The following FAM3B variants were observed in gnomAD, a reference collection of about 807,000 sequenced individuals.
The protein encoded by FAM3B is FAM3 metabolism regulating signaling molecule B, also known as protein FAM3B.
A neutral mutation model predicts 28.4 loss-of-function variants in FAM3B; 29 were observed. That is an observed-to-expected ratio of 1.02 (90% CI 0.76 to 1.39). FAM3B has a LOEUF of 1.39. Ranked by LOEUF, FAM3B falls within the 40% of genes most tolerant of loss-of-function variation. The pLI is 0.00. For synonymous variants in FAM3B, 91 were observed against 103.0 expected (o/e 0.88, Z 0.71); for missense variants, 266 against 293.9 (o/e 0.91, Z 0.69).
Position 41,344,491 on chromosome 21 carries a change from G to A in FAM3B, c.303G>A (p.Gln101=). ...TCCATTTCAGACTTATGGGAGAACA[G>A]CTGGGAAATGTTGCCAGAGGAATAA... ...CFEDNLLMGE[Q]LGNVARGINI... Residue 101 remains glutamine, a synonymous_variant, in exon 4 of 8, where the codon CAG becomes CAA. Coordinates refer to ENST00000357985, the MANE Select transcript of FAM3B (RefSeq NM_058186.4). The A allele has an allele frequency of 6.2e-7, 1 of 1,614,136 alleles. No homozygotes were observed. Among genetic ancestry groups the A allele is most frequent in the Non-Finnish European group, 8.5e-7 (1 of 1,179,926 alleles).
chr21:41,334,316 T>G (rs1198791617), intron 2 of FAM3B, among the ~76,000 whole-genome samples: 1 of 152,122 alleles, frequency 6.6e-6, no homozygotes. Flanking sequence ...CCAAAGGCAT[T>G]TCAAAGACCT....
At chr21:41,344,603 G>C in intron 4 of FAM3B, 69 bp downstream of exon 4, 1 of 1,351,300 alleles carries the variant, frequency 7.4e-7, no homozygotes, top group South Asian at 1.2e-5. Context: ...AGGTACCTTG[G>C]GTTTTCGAGA....
intron 1 of FAM3B, among the ~76,000 whole-genome samples, chr21:41,310,211 A>G (rs192623427): frequency 1.0e-3 from 159 of 151,818 alleles, no homozygotes; most frequent in African/African-American, 3.7e-3. Flanking sequence ...CTGGCTCTCC[A>G]TGGCTATGTT....
At chr21:41,336,597 G>A (rs1460084159) in intron 2 of FAM3B, among the ~76,000 whole-genome samples, 1 of 152,164 alleles carries the variant, frequency 6.6e-6, no homozygotes, top group African/African-American at 2.4e-5. Context: ...TTTTAAAACA[G>A]CCTGAACAGA....
intron 3 of FAM3B, among the ~76,000 whole-genome samples, chr21:41,341,820 G>C (rs1163830827): frequency 1.3e-5 from 2 of 152,152 alleles, no homozygotes; most frequent in Non-Finnish European, 2.9e-5. Context: ...CATTTTTGTT[G>C]AGTGTTTTTT....
At chr21:41,355,962 A>C (rs1207722979) in intron 7 of FAM3B, among the ~76,000 whole-genome samples, 1 of 152,058 alleles carries the variant, frequency 6.6e-6, no homozygotes, top group African/African-American at 2.4e-5. Flanking sequence ...TTGAAGATAT[A>C]GAGGACTAAA....
chr21:41,325,552 A>G (rs2088848241), intron 2 of FAM3B, among the ~76,000 whole-genome samples: 1 of 152,068 alleles, frequency 6.6e-6, no homozygotes, highest in Admixed American at 6.5e-5. Flanking sequence ...CCTGGACCCC[A>G]CTCTGGGAAA....
At chr21:41,345,901 A>G in intron 5 of FAM3B, 165 bp downstream of exon 5, 2 of 577,178 alleles carry the variant, frequency 3.5e-6, no homozygotes, top group Non-Finnish European at 3.1e-6. Flanking sequence ...CTTAAACTCT[A>G]ATTGAATTCA....
chr21:41,305,031 G>A (rs116963551), intron 1 of FAM3B, among the ~76,000 whole-genome samples: 108 of 152,196 alleles, frequency 7.1e-4, no homozygotes, highest in Non-Finnish European at 1.4e-3. Context: ...TGTGACCTCC[G>A]CAACACGTTT....
intron 2 of FAM3B, among the ~76,000 whole-genome samples, chr21:41,323,708 C>G (rs548830100): frequency 6.6e-5 from 10 of 152,258 alleles, no homozygotes; most frequent in Admixed American, 5.2e-4. Flanking sequence ...GGGGAGGTGA[C>G]AGCTTAACGC....
upstream of FAM3B, among the ~76,000 whole-genome samples, chr21:41,312,181 T>C (rs1024491668): frequency 1.3e-5 from 2 of 152,236 alleles, no homozygotes; most frequent in South Asian, 2.1e-4. Context: ...TATTATTATT[T>C]GATACTGTAC....
chr21:41,331,550 A>G (rs11910480), intron 2 of FAM3B, among the ~76,000 whole-genome samples: 4,367 of 152,114 alleles, frequency 0.029, 199 homozygotes, highest in African/African-American at 0.099. Context: ...TATTTTATCT[A>G]GTAATTTCAT....
intron 1 of FAM3B, 72 bp from the exon 2 acceptor site, chr21:41,322,851 G>A (rs1221868385): frequency 6.2e-7 from 1 of 1,612,576 alleles, no homozygotes; most frequent in Admixed American, 1.7e-5. Context: ...AGCCACAGGG[G>A]GGATGGGGAG....
At chr21:41,309,035 G>C (rs751750986) in intron 1 of FAM3B, among the ~76,000 whole-genome samples, 1 of 152,086 alleles carries the variant, frequency 6.6e-6, no homozygotes, top group Non-Finnish European at 1.5e-5. Context: ...TCTGATGCAG[G>C]GTCTCAACTT....
rs1048666593 is a variant in FAM3B, at chr21:41,355,490, A to G, written c.619-1618A>G. On this transcript the variant is annotated intron_variant, in intron 7 of 7. Transcript: ENST00000357985. ...TTAGCCATACAATGGAATATATTCA[A>G]ATACGTAAAGAAATAAAATTCTGAT... Among the ~76,000 whole-genome samples, 5 of 152,270 alleles carry G rather than the reference A, an allele frequency of 3.3e-5. 1 individual carries two copies. The highest frequency in any genetic ancestry group is 4.1e-4 in the South Asian group (2 of 4,838).
At chr21:41,346,106 G>A in intron 5 of FAM3B, 1 of 206,858 alleles carries the variant, frequency 4.8e-6, no homozygotes, top group Non-Finnish European at 9.6e-6. Flanking sequence ...TTTGAAAGCT[G>A]TCACGATTAC....
chr21:41,336,068 C>T (rs776417371), intron 2 of FAM3B, among the ~76,000 whole-genome samples: 4 of 152,122 alleles, frequency 2.6e-5, no homozygotes, highest in Non-Finnish European at 4.4e-5. Context: ...AGAGCCTCTA[C>T]GAATGGTATT....
At chr21:41,357,048 T>C in intron 7 of FAM3B, 60 bp from the exon 8 acceptor site, 4 of 1,297,842 alleles carry the variant, frequency 3.1e-6, no homozygotes, top group South Asian at 1.5e-5. Context: ...CAACTGATAC[T>C]GATTAAATAC....
chr21:41,357,032 G>T, intron 7 of FAM3B, 76 bp from the exon 8 acceptor site: 1 of 994,618 alleles, frequency 1.0e-6, no homozygotes, highest in South Asian at 2.4e-5. Context: ...TGGTTGTGTC[G>T]GCTCACAACT....
Sources: allele counts gnomAD v4.1 joint callset (sites outside exome capture counted in the v4.1 genomes callset), GRCh38; gene constraint gnomAD v4.1.1; transcripts MANE v1.5; gene names NCBI Gene and HGNC (gene_info 2026-07-23, HGNC 2026-07-21).